The following PGR variants were observed in gnomAD, a reference collection of about 807,000 sequenced individuals.
PGR encodes the protein nuclear receptor subfamily 3 group C member 3.
In PGR, 25 loss-of-function variants were observed where a neutral mutation model predicts 76.1. The observed-to-expected ratio is 0.33, with a 90% CI of 0.24 to 0.46. The LOEUF (loss-of-function observed/expected upper bound fraction) is 0.46. PGR is among the 20% of genes least tolerant of loss of function. The pLI is 1.00. For missense variants in PGR, 1,172 were observed against 1,225.3 expected, an observed-to-expected ratio of 0.96 and a Z score of 0.65; for synonymous variants, 579 against 535.0, an observed-to-expected ratio of 1.08 and a Z score of -1.14.
At chr11:101,070,212 G>A (rs1176808711) in intron 3 of PGR, among the ~76,000 whole-genome samples, 1 of 152,148 alleles carries the variant, frequency 6.6e-6, no homozygotes, top group Non-Finnish European at 1.5e-5. Context: ...TACCCGGGAA[G>A]TACAAAGAGT....
At chr11:101,071,649 G>GA (rs531984472) in intron 3 of PGR, among the ~76,000 whole-genome samples, 40 of 151,938 alleles carry the variant, frequency 2.6e-4, no homozygotes, top group African/African-American at 9.2e-4. Context: ...TGATGGAGCT[G>GA]AAAAACACAG....
chr11:101,097,259 C>T (rs1036860145), intron 2 of PGR, among the ~76,000 whole-genome samples: 2 of 152,216 alleles, frequency 1.3e-5, no homozygotes, highest in Non-Finnish European at 2.9e-5. Context: ...CCCAAACTCT[C>T]TCATGCCTCT....
At chr11:101,078,378 C>T (rs761121988) in intron 3 of PGR, among the ~76,000 whole-genome samples, 12 of 152,026 alleles carry the variant, frequency 7.9e-5, no homozygotes, top group South Asian at 4.1e-4. Context: ...ATGTAGAAAG[C>T]GACTTATTTT....
chr11:101,030,894 T>C lies in PGR; in HGVS notation c.*8222A>G, dbSNP rs557596479. 3 of 191,678 alleles carry C rather than the reference T, an allele frequency of 1.6e-5. No individual in the cohort carries two copies. Among genetic ancestry groups the C allele is most frequent in the South Asian group, 1.9e-4 (1 of 5,176 alleles). 11.9% of individuals were successfully genotyped at this position (191,678 alleles called of 1,614,324 possible). A position where few individuals can be genotyped will look rare whatever the true frequency, so the allele number is the denominator to read the frequency against. ...CTTTCATGATTCAGAAGAAGGAAGA[T>C]GTAGGGCAAAGAGGACAAATGCCTA... On this transcript the variant is annotated 3_prime_UTR_variant, in exon 8 of 8. Transcript: ENST00000325455.
intron 4 of PGR, among the ~76,000 whole-genome samples, chr11:101,060,870 G>GT (rs1168701274): frequency 6.6e-6 from 1 of 152,128 alleles, no homozygotes; most frequent in Non-Finnish European, 1.5e-5. Flanking sequence ...CCTTTTTGTG[G>GT]TTGTGTGGGG....
In PGR at chr11:101,042,107, TAAG is replaced by T; in HGVS notation, c.2489-8_2489-6del. The stretch of plus-strand genomic sequence containing the variant: ...TTCGTAGCCCTTCCAAAGGAACTGT[TAAG>T]AAGACAATTAAAAGTGGCAGTTGTG... On this transcript the variant is annotated splice_polypyrimidine_tract_variant and splice_region_variant and intron_variant, in intron 6 of 7. Transcript: ENST00000325455. 10 of 1,613,084 alleles carry T rather than the reference TAAG, an allele frequency of 6.2e-6. No individual in the cohort carries two copies. Among genetic ancestry groups the T allele is most frequent in the Non-Finnish European group, 8.5e-6 (10 of 1,179,366 alleles).
chr11:101,129,032 G>C lies in PGR; in HGVS notation c.39C>G (p.His13Gln). ...CGGGGGAGGGCGGGCCGCCCGCCAC[G>C]TGGGGAGCCCGGGGACCCTTTGCCT... is the stretch of plus-strand genomic sequence containing the variant. ...ELKAKGPRAPHVAGGPPSPEV... is the reference protein window; with the variant it reads ...ELKAKGPRAPQVAGGPPSPEV... The change falls in exon 1 of 8, where the codon CAC (histidine) becomes CAG (glutamine). Residue 13 changes from histidine to glutamine, a missense_variant. His to Gln is a conservative substitution (Grantham distance 24). This residue lies in a region of PGR where 893 missense variants were observed against 785.9 expected (regional missense o/e 1.14). Coordinates refer to ENST00000325455, the MANE Select transcript of PGR (RefSeq NM_000926.4). The C allele has an allele frequency of 6.4e-7, 1 of 1,567,182 alleles. No homozygotes were observed. The highest frequency in any genetic ancestry group is 8.6e-7 in the Non-Finnish European group (1 of 1,156,722).
chr11:101,098,866 G>C (rs1861916059), intron 2 of PGR, among the ~76,000 whole-genome samples: 1 of 152,186 alleles, frequency 6.6e-6, no homozygotes, highest in South Asian at 2.1e-4. Flanking sequence ...AAAATGCCAG[G>C]CAGCCAGGAA....
intron 4 of PGR, among the ~76,000 whole-genome samples, chr11:101,056,496 G>A (rs1860296101): frequency 6.6e-6 from 1 of 151,962 alleles, no homozygotes; most frequent in Non-Finnish European, 1.5e-5. Flanking sequence ...AGGTGTGGTG[G>A]TGCACACCTG....
At chr11:101,089,115 A>T (rs183216161) in intron 3 of PGR, among the ~76,000 whole-genome samples, 1 of 152,294 alleles carries the variant, frequency 6.6e-6, no homozygotes, top group East Asian at 1.9e-4. Flanking sequence ...TTGTACCTCA[A>T]ACATTAGTGT....
chr11:101,048,681 G>A (rs1326427666), intron 6 of PGR, among the ~76,000 whole-genome samples: 2 of 152,100 alleles, frequency 1.3e-5, no homozygotes, highest in African/African-American at 2.4e-5. Flanking sequence ...GTGAGTCAGC[G>A]AGTGAGTGGT....
intron 2 of PGR, among the ~76,000 whole-genome samples, chr11:101,100,045 T>C (rs964046660): frequency 6.6e-6 from 1 of 152,236 alleles, no homozygotes; most frequent in African/African-American, 2.4e-5. Context: ...AAATTTGGCA[T>C]AATGCTTCCC....
intron 7 of PGR, among the ~76,000 whole-genome samples, chr11:101,040,720 T>C (rs1373137524): frequency 6.6e-6 from 1 of 152,062 alleles, no homozygotes; most frequent in African/African-American, 2.4e-5. Context: ...TTTACAATAA[T>C]GTACCTTAGT....
chr11:101,035,264 G>T lies in PGR; in HGVS notation c.*3852C>A. ...AAAAATGTATGTTTTGGCAAGTTTT[G>T]AATGCTTCTTATGCACATGGCTCTG... On this transcript the variant is annotated 3_prime_UTR_variant, in exon 8 of 8. Coordinates refer to ENST00000325455, the MANE Select transcript of PGR (RefSeq NM_000926.4). 4.4e-6 allele frequency: 1 copy of T among 226,616 alleles called. No homozygotes were observed. The highest frequency in any genetic ancestry group is 8.8e-6 in the Non-Finnish European group (1 of 113,966). 14.0% of individuals were successfully genotyped at this position (226,616 alleles called of 1,614,324 possible). A position where few individuals can be genotyped will look rare whatever the true frequency, so the allele number is the denominator to read the frequency against.
chr11:101,119,389 G>GT lies in PGR; in HGVS notation c.1789+6617dup, dbSNP rs771136615. Among the ~76,000 whole-genome samples, 16 of 149,480 alleles carry GT rather than the reference G, an allele frequency of 1.1e-4. No homozygotes were observed. In the South Asian group the frequency reaches 1.5e-3, roughly 14 times the overall value. On this transcript the variant is annotated intron_variant, in intron 2 of 7. Transcript: ENST00000325455. ...ATAAAAGATTCCCTGGAGTTACTTT[G>GT]TTTTTTTTCTGACAAAAGCAAAAGC... is the stretch of plus-strand genomic sequence containing the variant.
At chr11:101,045,665 TTGTG>T (rs5794091) in intron 6 of PGR, among the ~76,000 whole-genome samples, 17,401 of 148,996 alleles carry the variant, frequency 0.12, 1,255 homozygotes, top group Non-Finnish European at 0.16. Flanking sequence ...CTATTCCATT[TTGTG>T]TGTGTGTGTG....
intron 2 of PGR, among the ~76,000 whole-genome samples, chr11:101,109,421 C>A (rs1386860354): frequency 6.6e-6 from 1 of 151,502 alleles, no homozygotes; most frequent in Non-Finnish European, 1.5e-5. Context: ...GATAAGAAAG[C>A]AAAAAAACAA....
intron 6 of PGR, among the ~76,000 whole-genome samples, chr11:101,047,577 T>G (rs900099913): frequency 2.0e-5 from 3 of 152,100 alleles, no homozygotes; most frequent in Non-Finnish European, 2.9e-5. Flanking sequence ...TCTCCTGCCC[T>G]TCCCTCCTGA....
chr11:101,054,954 A>G (rs1383132646), intron 4 of PGR, among the ~76,000 whole-genome samples: 2 of 152,176 alleles, frequency 1.3e-5, no homozygotes, highest in African/African-American at 4.8e-5. Flanking sequence ...AAAAAGTGTT[A>G]GGAGGCATTT....
Sources: gnomAD v4.1 joint callset for allele counts (sites outside exome capture counted in the v4.1 genomes callset) on GRCh38, gnomAD v4.1.1 for gene constraint, gnomAD v4.1.1 regional missense constraint, MANE v1.5 for transcripts, NCBI Gene and HGNC (gene_info 2026-07-23, HGNC 2026-07-21) for gene names.